The following DACH2 variants were observed in gnomAD, a reference collection of about 807,000 sequenced individuals.
DACH2 encodes the protein dachshund family transcription factor 2, also known as dachshund homolog 2.
A neutral mutation model predicts 35.8 loss-of-function variants in DACH2; 17 were observed. That is an observed-to-expected ratio of 0.48 (90% CI 0.33 to 0.71). The LOEUF (loss-of-function observed/expected upper bound fraction) is 0.71, where lower values mean the gene tolerates loss of function less well. Among genes scored for constraint, DACH2 ranks in the 30% least tolerant of loss-of-function variants. The probability of loss-of-function intolerance (pLI) is 0.02; values close to 1 mark genes in which losing one functional copy is unlikely to be tolerated. For missense variants in DACH2, 469 were observed against 472.7 expected, an observed-to-expected ratio of 0.99 and a Z score of 0.07; for synonymous variants, 195 against 177.3, an observed-to-expected ratio of 1.10 and a Z score of -0.79.
At chrX:86,522,141 A>G (rs937946527) in intron 3 of DACH2, among the ~76,000 whole-genome samples, 1 of 111,544 alleles carries the variant, frequency 9.0e-6, no homozygotes, top group African/African-American at 3.3e-5. Context: ...GATTTATTTA[A>G]ACTCCACTAG....
chrX:86,399,722 G>T (rs2036382917), intron 2 of DACH2, among the ~76,000 whole-genome samples: 1 of 111,920 alleles, frequency 8.9e-6, no homozygotes, highest in Non-Finnish European at 1.9e-5. Flanking sequence ...ACTCTCTTCT[G>T]GCTTGTAGAG....
Position 86,816,110 on chromosome X carries a change from C to T in DACH2, c.1750+11C>T, listed in dbSNP as rs774116064. The stretch of plus-strand genomic sequence containing the variant: ...GTGCTGCTATGCAAGGTACAGTCAA[C>T]TGAAAACTTCTTTCTTTGACTGCTT... On this transcript the variant is annotated intron_variant, in intron 11 of 11. Coordinates refer to ENST00000373125, the MANE Select transcript of DACH2 (RefSeq NM_053281.3). 6.2e-6 allele frequency: 7 copies of T among 1,133,425 alleles called. No individual in the cohort carries two copies. The East Asian group carries it at 1.7e-4, about 27-fold the overall frequency. The allele number at this position is 1,133,425 out of a possible 1,213,427, so 93.4% of individuals were successfully genotyped here.
intron 1 of DACH2, among the ~76,000 whole-genome samples, chrX:86,361,762 A>G (rs192043555): frequency 8.9e-6 from 1 of 111,748 alleles, no homozygotes; most frequent in African/African-American, 3.2e-5. Flanking sequence ...CATTTGACAG[A>G]ATTACAAATA....
At chrX:86,192,599 C>A (rs1045714888) in intron 1 of DACH2, among the ~76,000 whole-genome samples, 2 of 111,766 alleles carry the variant, frequency 1.8e-5, no homozygotes, top group African/African-American at 6.5e-5. Context: ...AGATTTGGGG[C>A]ATTGTTGCTA....
At chrX:86,756,899 A>G (rs1224898944) in intron 7 of DACH2, among the ~76,000 whole-genome samples, 4 of 111,318 alleles carry the variant, frequency 3.6e-5, no homozygotes, top group Non-Finnish European at 7.5e-5. Context: ...ATGTTGAGTT[A>G]TGCTACTTTT....
chrX:86,668,252 C>A (rs1299349597), intron 4 of DACH2, among the ~76,000 whole-genome samples: 1 of 112,022 alleles, frequency 8.9e-6, no homozygotes, highest in East Asian at 2.8e-4. Context: ...TACCTCCAGG[C>A]ACCTACCAAG....
chrX:86,286,205 G>C (rs989370586), intron 1 of DACH2, among the ~76,000 whole-genome samples: 2 of 83,979 alleles, frequency 2.4e-5, no homozygotes, highest in African/African-American at 9.0e-5. Flanking sequence ...TCGGCTCACT[G>C]CAAGCTCCGC....
chrX:86,479,255 A>T (rs1388419290), intron 2 of DACH2, among the ~76,000 whole-genome samples: 1 of 110,926 alleles, frequency 9.0e-6, no homozygotes, highest in African/African-American at 3.3e-5. Flanking sequence ...TTATGGGTAT[A>T]GGATGGGGGG....
intron 1 of DACH2, among the ~76,000 whole-genome samples, chrX:86,188,984 G>A (rs1358187736): frequency 1.8e-5 from 2 of 112,210 alleles, no homozygotes; most frequent in Admixed American, 9.5e-5. Context: ...ATGGTAGACA[G>A]TCAACATTTA....
chrX:86,827,977 G>A, intron 11 of DACH2: 1 of 423,121 alleles, frequency 2.4e-6, no homozygotes, highest in Non-Finnish European at 4.0e-6. Context: ...AGGTTTTTAG[G>A]GGATAGTCAT....
At chrX:86,257,545 C>CCA (rs201378886) in intron 1 of DACH2, among the ~76,000 whole-genome samples, 1,896 of 111,621 alleles carry the variant, frequency 0.017, 17 homozygotes, top group East Asian at 0.042. Context: ...GTAGTTAGGG[C>CCA]CACAGGCCCA....
intron 1 of DACH2, among the ~76,000 whole-genome samples, chrX:86,251,060 G>A (rs1463617732): frequency 9.0e-6 from 1 of 111,255 alleles, no homozygotes; most frequent in African/African-American, 3.3e-5. Context: ...AACTTTTATA[G>A]ATGCTGTAGG....
chrX:86,514,513 T>G, intron 3 of DACH2, 122 bp downstream of exon 3: 1 of 653,950 alleles, frequency 1.5e-6, no homozygotes, highest in Non-Finnish European at 2.2e-6. Context: ...GAGGTTACAT[T>G]ACTGAATTTT....
intron 7 of DACH2, among the ~76,000 whole-genome samples, chrX:86,764,718 A>G (rs757039116): frequency 1.5e-4 from 17 of 111,346 alleles, no homozygotes; most frequent in Non-Finnish European, 3.2e-4. Flanking sequence ...TTTGATAGAA[A>G]GAGTTATTTT....
At chrX:86,294,253 G>C (rs6623630) in intron 1 of DACH2, among the ~76,000 whole-genome samples, 1 of 110,370 alleles carries the variant, frequency 9.1e-6, no homozygotes, top group Non-Finnish European at 1.9e-5. Context: ...CGTAGTTCTC[G>C]AGCCTTGGTT....
At chrX:86,583,543 T>A (rs746360553) in intron 3 of DACH2, among the ~76,000 whole-genome samples, 60 of 110,745 alleles carry the variant, frequency 5.4e-4, no homozygotes, top group Middle Eastern at 4.7e-3. Context: ...CTGCTTTTTT[T>A]AAATTTTTTT....
At chrX:86,404,847 G>T (rs1254585649) in intron 2 of DACH2, among the ~76,000 whole-genome samples, 1 of 112,178 alleles carries the variant, frequency 8.9e-6, no homozygotes, top group East Asian at 2.8e-4. Flanking sequence ...GGATATCCAG[G>T]CATTTCCTTA....
chrX:86,607,493 A>C (rs1348980899), intron 3 of DACH2, among the ~76,000 whole-genome samples: 1 of 111,503 alleles, frequency 9.0e-6, no homozygotes, highest in Non-Finnish European at 1.9e-5. Flanking sequence ...AAAACTCCAC[A>C]TCTTAACTTT....
chrX:86,565,856 A>G (rs1193781756), intron 3 of DACH2, among the ~76,000 whole-genome samples: 1 of 111,531 alleles, frequency 9.0e-6, no homozygotes, highest in African/African-American at 3.2e-5. Flanking sequence ...GAAAAATCAC[A>G]CAGAAATATG....
Sources: gnomAD v4.1 joint callset for allele counts (sites outside exome capture counted in the v4.1 genomes callset) on GRCh38, gnomAD v4.1.1 for gene constraint, MANE v1.5 for transcripts, NCBI Gene and HGNC (gene_info 2026-07-23, HGNC 2026-07-21) for gene names.